Variants in HYKK observed in about 807,000 individuals in gnomAD.
HYKK encodes the protein hydroxylysine kinase.
HYKK carries 19 observed loss-of-function variants against 29.7 expected under a neutral mutation model. That is an observed-to-expected ratio of 0.64 (90% CI 0.45 to 0.94). The LOEUF is 0.94. HYKK is among the 40% of genes least tolerant of loss of function. HYKK has a pLI of 0.00. For missense variants in HYKK, 390 were observed against 443.4 expected (o/e 0.88, Z 1.08); for synonymous variants, 152 against 158.1 (o/e 0.96, Z 0.29).
intron 1 of HYKK, among the ~76,000 whole-genome samples, chr15:78,508,687 T>C (rs763008649): frequency 1.3e-5 from 2 of 151,946 alleles, no homozygotes; most frequent in African/African-American, 4.8e-5. Context: ...AAAAAGTTAA[T>C]AATTTTTAAA....
chr15:78,522,169 C>T (rs1488766667), intron 3 of HYKK, among the ~76,000 whole-genome samples: 4 of 152,010 alleles, frequency 2.6e-5, no homozygotes. Context: ...TCAAACAGTA[C>T]TGAAAGGTAT....
intron 3 of HYKK, among the ~76,000 whole-genome samples, chr15:78,519,213 T>TA (rs1182404398): frequency 6.6e-6 from 1 of 152,196 alleles, no homozygotes; most frequent in Non-Finnish European, 1.5e-5. Flanking sequence ...TTTCTATACT[T>TA]ACAATAATCA....
downstream of HYKK, chr15:78,537,177 T>C (rs1446832838): frequency 2.2e-6 from 1 of 451,538 alleles, no homozygotes; most frequent in Non-Finnish European, 4.1e-6. Context: ...CTCCATAATT[T>C]ATTTCCATAA....
chr15:78,525,105 A>T (rs4461039), intron 3 of HYKK, among the ~76,000 whole-genome samples: 41,746 of 152,092 alleles, frequency 0.27, 6,397 homozygotes, highest in Admixed American at 0.47. Context: ...ACTCCCGGTC[A>T]TAATAGTGAG....
intron 2 of HYKK, 129 bp downstream of exon 2, chr15:78,513,554 C>A: frequency 1.5e-6 from 1 of 677,978 alleles, no homozygotes; most frequent in Non-Finnish European, 2.5e-6. Context: ...TTTTTTAGCA[C>A]CTCAATAGTA....
chr15:78,534,495 CCCG>C lies in HYKK; in HGVS notation c.*828_*830del, dbSNP rs1485376765. 1 of 152,286 alleles carries C rather than the reference CCCG, an allele frequency of 6.6e-6. No individual in the cohort carries two copies. The highest frequency in any genetic ancestry group is 2.4e-5 in the African/African-American group (1 of 41,418). 9.4% of individuals were successfully genotyped at this position (152,286 alleles called of 1,614,324 possible). ...CTCGATCTCCTGACCTTGTGATCCA[CCCG>C]CCTCGATCTCCCAAAGTGCTGGGAT... On this transcript the variant is annotated 3_prime_UTR_variant, in exon 5 of 5. Transcript: ENST00000388988.
Position 78,533,991 on chromosome 15 carries a change from A to C in HYKK, c.*321A>C, listed in dbSNP as rs755298029. 10 of 222,486 alleles carry C rather than the reference A, an allele frequency of 4.5e-5. No individual in the cohort carries two copies. The highest frequency in any genetic ancestry group is 3.8e-3 in the Middle Eastern group (2 of 524). The allele number at this position is 222,486 out of a possible 1,614,324, so 13.8% of individuals were successfully genotyped here. On this transcript the variant is annotated 3_prime_UTR_variant, in exon 5 of 5. Coordinates refer to ENST00000388988, the MANE Select transcript of HYKK (RefSeq NM_001013619.4). The stretch of plus-strand genomic sequence containing the variant: ...CTGCCCTGAGATTAATGACTATTTT[A>C]ATTTTAAAAATAATATATACATATA...
At chr15:78,524,764 G>A (rs951320704) in intron 3 of HYKK, among the ~76,000 whole-genome samples, 6 of 152,016 alleles carry the variant, frequency 3.9e-5, no homozygotes, top group African/African-American at 1.2e-4. Flanking sequence ...AGCCAGGATC[G>A]CGCCACTGCA....
chr15:78,525,316 C>A (rs1555411855), intron 3 of HYKK, among the ~76,000 whole-genome samples: 1 of 146,670 alleles, frequency 6.8e-6, no homozygotes, highest in African/African-American at 2.5e-5. Flanking sequence ...CCACCACACC[C>A]AGCTGATTTT....
rs2052359071 is a variant in HYKK, at chr15:78,535,986, G to A, written c.*2316G>A. 1 of 152,138 alleles carries A rather than the reference G, an allele frequency of 6.6e-6. No individual in the cohort carries two copies. The highest frequency in any genetic ancestry group is 1.5e-5 in the Non-Finnish European group (1 of 68,060). The allele number at this position is 152,138 out of a possible 1,614,324, so 9.4% of individuals were successfully genotyped here. A position where few individuals can be genotyped will look rare whatever the true frequency, so the allele number is the denominator to read the frequency against. ...CCTGCCTTGGCCTCCCTAAATGCTA[G>A]GATTATAGGCGTGAGCTATCATACC... On this transcript the variant is annotated 3_prime_UTR_variant, in exon 5 of 5. Transcript: ENST00000388988.
downstream of HYKK, chr15:78,537,167 C>A: frequency 2.3e-6 from 1 of 441,680 alleles, no homozygotes; most frequent in Non-Finnish European, 4.2e-6. Flanking sequence ...ACTTCCTAGC[C>A]TCCATAATTT....
At chr15:78,520,927 C>A (rs1299546963) in intron 3 of HYKK, among the ~76,000 whole-genome samples, 2 of 149,482 alleles carry the variant, frequency 1.3e-5, no homozygotes, top group Non-Finnish European at 3.0e-5. Flanking sequence ...CTGACCCCCC[C>A]ACCTCCCTCC....
At chr15:78,511,399 C>T (rs921993330) in intron 1 of HYKK, among the ~76,000 whole-genome samples, 1 of 151,976 alleles carries the variant, frequency 6.6e-6, no homozygotes, top group African/African-American at 2.4e-5. Context: ...AAAACAGTCT[C>T]CTCCCCCGCC....
chr15:78,519,760 C>CA (rs1246047867), intron 3 of HYKK, among the ~76,000 whole-genome samples: 3 of 151,296 alleles, frequency 2.0e-5, no homozygotes, highest in East Asian at 1.9e-4. Flanking sequence ...GACAACGTCT[C>CA]AAAAAAAACA....
intron 4 of HYKK, chr15:78,528,899 G>A (rs1405933854): frequency 7.3e-6 from 7 of 953,688 alleles, no homozygotes; most frequent in African/African-American, 7.1e-5. Flanking sequence ...TGTAAACACA[G>A]TGTAAGGTGT....
At chr15:78,537,020 C>T (rs931884577), downstream of HYKK, among the ~76,000 whole-genome samples, 8 of 152,292 alleles carry the variant, frequency 5.3e-5, no homozygotes, top group Middle Eastern at 3.4e-3. Flanking sequence ...ACTTAACCAG[C>T]GGCCCCTCAG....
chr15:78,537,041 C>T (rs1422432668), downstream of HYKK, among the ~76,000 whole-genome samples: 1 of 152,182 alleles, frequency 6.6e-6, no homozygotes, highest in African/African-American at 2.4e-5. Flanking sequence ...GTTCTTAGGT[C>T]CTCAGCCTCA....
At chr15:78,508,995 C>T (rs904874496) in intron 1 of HYKK, among the ~76,000 whole-genome samples, 1 of 150,826 alleles carries the variant, frequency 6.6e-6, no homozygotes, top group African/African-American at 2.4e-5. Flanking sequence ...CTGCAGTAAG[C>T]AGTGATTGTG....
intron 3 of HYKK, among the ~76,000 whole-genome samples, chr15:78,517,847 G>A (rs2052152234): frequency 6.6e-6 from 1 of 152,120 alleles, no homozygotes; most frequent in Admixed American, 6.5e-5. Context: ...GTAGGAACAG[G>A]CACTCTTCCT....
Sources: gnomAD v4.1 joint callset for allele counts (sites outside exome capture counted in the v4.1 genomes callset) on GRCh38, gnomAD v4.1.1 for gene constraint, MANE v1.5 for transcripts, NCBI Gene and HGNC (gene_info 2026-07-23, HGNC 2026-07-21) for gene names.